Variants in CPS1 observed in about 807,000 individuals in gnomAD.
CPS1 encodes carbamoyl-phosphate synthase 1.
A neutral mutation model predicts 174.6 loss-of-function variants in CPS1; 109 were observed. That is an observed-to-expected ratio of 0.62 (90% CI 0.53 to 0.73). The LOEUF is 0.73. Ranked by LOEUF, CPS1 falls within the 30% of genes least tolerant of loss-of-function variation. The pLI is 0.00. For missense variants in CPS1, 1,689 were observed against 1,821.9 expected (o/e 0.93, Z 1.33); for synonymous variants, 637 against 632.0 (o/e 1.01, Z -0.12).
chr2:210,577,391 C>A, intron 3 of CPS1, 30 bp from the exon 4 acceptor site: 1 of 1,535,210 alleles, frequency 6.5e-7, no homozygotes, highest in Non-Finnish European at 9.0e-7. Flanking sequence ...CTTGTGATAA[C>A]CTCTTTAAAA....
chr2:210,626,010 G>T (rs921905958), intron 21 of CPS1, among the ~76,000 whole-genome samples: 1 of 152,052 alleles, frequency 6.6e-6, no homozygotes, highest in African/African-American at 2.4e-5. Flanking sequence ...CGTAAATATT[G>T]CATATATCCT....
intron 1 of CPS1, among the ~76,000 whole-genome samples, chr2:210,514,031 C>A (rs545062391): frequency 6.6e-6 from 1 of 151,954 alleles, no homozygotes; most frequent in Non-Finnish European, 1.5e-5. Flanking sequence ...TATTCTGTTT[C>A]ATTGGTCTAT....
At chr2:210,593,349 T>C in intron 11 of CPS1, 1 of 1,129,442 alleles carries the variant, frequency 8.9e-7, no homozygotes, top group South Asian at 2.2e-5. Flanking sequence ...TGGCAACTGG[T>C]TGTGTAGCCA....
intron 1 of CPS1, among the ~76,000 whole-genome samples, chr2:210,565,793 A>T (rs769179309): frequency 1.3e-5 from 2 of 152,190 alleles, no homozygotes; most frequent in African/African-American, 4.8e-5. Flanking sequence ...CTTGAACATC[A>T]GGCAACTTGG....
intron 1 of CPS1, among the ~76,000 whole-genome samples, chr2:210,520,259 C>T (rs1320334143): frequency 1.3e-5 from 2 of 151,906 alleles, no homozygotes; most frequent in Non-Finnish European, 2.9e-5. Flanking sequence ...GAAACTATTA[C>T]CAGAGTCAAG....
At chr2:210,493,116 A>G (rs1199066203) in intron 1 of CPS1, among the ~76,000 whole-genome samples, 1 of 152,200 alleles carries the variant, frequency 6.6e-6, no homozygotes, top group Non-Finnish European at 1.5e-5. Context: ...TAGTGAAAAT[A>G]AATGATGGAA....
intron 21 of CPS1, among the ~76,000 whole-genome samples, chr2:210,620,752 T>A (rs11685955): frequency 0.5 from 75,413 of 151,592 alleles, 18,971 homozygotes; most frequent in Middle Eastern, 0.59. Flanking sequence ...CACCAGGGGG[T>A]TGGTGCTACA....
intron 1 of CPS1, among the ~76,000 whole-genome samples, chr2:210,492,833 T>C (rs1694905340): frequency 6.6e-6 from 1 of 151,394 alleles, no homozygotes; most frequent in African/African-American, 2.5e-5. Flanking sequence ...ACATATCACA[T>C]TGAAATACAG....
chr2:210,507,137 G>A (rs1476859651), intron 1 of CPS1, among the ~76,000 whole-genome samples: 1 of 152,178 alleles, frequency 6.6e-6, no homozygotes, highest in Non-Finnish European at 1.5e-5. Flanking sequence ...GAAAGGTCGG[G>A]TTACCCATAA....
At position 210,650,093 on chromosome 2, in the gene CPS1, A is replaced by G. The variant is rs115004636; in HGVS notation, c.3405-270A>G. Among the ~76,000 whole-genome samples, 150 of 152,320 alleles carry G rather than the reference A, an allele frequency of 9.8e-4. 1 individual carries two copies. The highest frequency in any genetic ancestry group is 3.3e-3 in the African/African-American group (137 of 41,568). The stretch of plus-strand genomic sequence containing the variant: ...CAGAAAGGGCAAACTTTGGAGAAGT[A>G]TAATTTCTAGAGCTACCAGGATTCC... On this transcript the variant is annotated intron_variant, in intron 27 of 37. Coordinates refer to ENST00000233072, the MANE Select transcript of CPS1 (RefSeq NM_001875.5).
chr2:210,633,625 A>G (rs1263214501), intron 21 of CPS1, among the ~76,000 whole-genome samples: 2 of 152,216 alleles, frequency 1.3e-5, no homozygotes, highest in Non-Finnish European at 2.9e-5. Context: ...TAGAAATGTG[A>G]GGAATCTAAT....
chr2:210,518,491 A>G (rs1695738175), intron 1 of CPS1, among the ~76,000 whole-genome samples: 1 of 152,026 alleles, frequency 6.6e-6, no homozygotes, highest in Non-Finnish European at 1.5e-5. Context: ...GCTTACTGAA[A>G]GTGTCTCCAA....
intron 1 of CPS1, among the ~76,000 whole-genome samples, chr2:210,517,983 C>T (rs549864701): frequency 6.6e-6 from 1 of 152,024 alleles, no homozygotes; most frequent in South Asian, 2.1e-4. Flanking sequence ...GAAATTTGTT[C>T]ATTTTCCCCT....
chr2:210,619,871 C>T (rs2105871656), intron 21 of CPS1: 1 of 151,740 alleles, frequency 6.6e-6, no homozygotes, highest in South Asian at 2.1e-4. Flanking sequence ...GAATTTGAGT[C>T]CCAAATAGAC....
intron 11 of CPS1, chr2:210,593,814 C>T (rs1698389857): frequency 3.2e-6 from 1 of 311,090 alleles, no homozygotes; most frequent in African/African-American, 2.3e-5. Context: ...TAGCCAAAAT[C>T]AGTATTATAT....
chr2:210,526,638 C>T (rs995668089), intron 1 of CPS1, among the ~76,000 whole-genome samples: 1 of 151,830 alleles, frequency 6.6e-6, no homozygotes, highest in Non-Finnish European at 1.5e-5. Flanking sequence ...CCACCCCTAC[C>T]CCACACACCC....
At chr2:210,655,120 G>A (rs1159508616) in intron 29 of CPS1, among the ~76,000 whole-genome samples, 1 of 152,098 alleles carries the variant, frequency 6.6e-6, no homozygotes, top group Non-Finnish European at 1.5e-5. Flanking sequence ...ACTAAGGTCT[G>A]TTTCCTTGGA....
At chr2:210,522,319 A>G (rs1246201457) in intron 1 of CPS1, among the ~76,000 whole-genome samples, 1 of 152,026 alleles carries the variant, frequency 6.6e-6, no homozygotes, top group Non-Finnish European at 1.5e-5. Context: ...AAGTTTTGAT[A>G]AAGTCCAATT....
chr2:210,538,740 T>C (rs1696323846), intron 1 of CPS1, among the ~76,000 whole-genome samples: 1 of 152,114 alleles, frequency 6.6e-6, no homozygotes, highest in African/African-American at 2.4e-5. Flanking sequence ...AAGTAGAAAA[T>C]AAATATTATA....
Sources: gnomAD v4.1 joint callset for allele counts (sites outside exome capture counted in the v4.1 genomes callset) on GRCh38, gnomAD v4.1.1 for gene constraint, MANE v1.5 for transcripts, NCBI Gene and HGNC (gene_info 2026-07-23, HGNC 2026-07-21) for gene names.